Variants in ARMH3 observed in about 807,000 individuals in gnomAD.
The protein encoded by ARMH3 is armadillo-like helical domain-containing protein 3.
A neutral mutation model predicts 99.1 loss-of-function variants in ARMH3; 60 were observed. That is an observed-to-expected ratio of 0.61 (90% confidence interval 0.49 to 0.75). The LOEUF (loss-of-function observed/expected upper bound fraction) is 0.75, where lower values mean the gene tolerates loss of function less well. Among genes scored for constraint, ARMH3 ranks in the 30% least tolerant of loss-of-function variants. The pLI is 0.00. For missense variants in ARMH3, 679 were observed against 843.1 expected (o/e 0.81, Z 2.41); for synonymous variants, 285 against 292.8 (o/e 0.97, Z 0.27).
At chr10:102,054,132 T>C (rs1442444305) in intron 1 of ARMH3, among the ~76,000 whole-genome samples, 1 of 152,156 alleles carries the variant, frequency 6.6e-6, no homozygotes, top group African/African-American at 2.4e-5. Flanking sequence ...GACTCACTCC[T>C]GTAATCCCAG....
chr10:101,957,717 A>T lies in ARMH3; in HGVS notation c.1511T>A (p.Leu504Gln). 3.2e-6 allele frequency: 5 copies of T among 1,580,124 alleles called. No homozygotes were observed. Among genetic ancestry groups the T allele is most frequent in the Non-Finnish European group, 4.3e-6 (5 of 1,170,090 alleles). ...RELWSALINL[L>Q]KFLMSNETVL... ...AGTCTCATTTGACATAAGGAACTTCAGCAAATTTATCAAGGCTTTAAAAAA... is the reference window on the plus strand; with the variant it reads ...AGTCTCATTTGACATAAGGAACTTCTGCAAATTTATCAAGGCTTTAAAAAA... The change falls in exon 21 of 26, where the codon CTG (leucine) becomes CAG (glutamine). Residue 504 changes from leucine (L) to glutamine (Q), a missense_variant. By Grantham distance (113) the Leu-to-Gln change is moderately radical. Around this residue, in one of 3 missense-constraint regions of ARMH3, gnomAD observed 389 missense variants for 456.5 expected, o/e 0.85. Coordinates refer to ENST00000370033, the MANE Select transcript of ARMH3 (RefSeq NM_024541.3).
chr10:101,960,718 G>A lies in ARMH3; in HGVS notation c.1496-2986C>T, dbSNP rs193054087. Among the ~76,000 whole-genome samples, 581 of 151,746 alleles carry A rather than the reference G, an allele frequency of 3.8e-3. 7 individuals are homozygous for A. The highest frequency in any genetic ancestry group is 0.029 in the Admixed American group (438 of 15,236). On this transcript the variant is annotated intron_variant, in intron 20 of 25. Coordinates refer to ENST00000370033, the MANE Select transcript of ARMH3 (RefSeq NM_024541.3). ...AGCCCGGCCAAGATGGTGAAACCCCGTCTCTACTAAAAAATACAAAAATTA... is the reference window on the plus strand; with the variant it reads ...AGCCCGGCCAAGATGGTGAAACCCCATCTCTACTAAAAAATACAAAAATTA...
chr10:101,900,866 C>T (rs2067957517), intron 23 of ARMH3, among the ~76,000 whole-genome samples: 1 of 151,882 alleles, frequency 6.6e-6, no homozygotes, highest in Non-Finnish European at 1.5e-5. Context: ...CACCTATAGC[C>T]CTAGCCATTC....
intron 19 of ARMH3, among the ~76,000 whole-genome samples, chr10:101,988,274 C>G (rs1260548081): frequency 6.6e-6 from 1 of 152,124 alleles, no homozygotes; most frequent in Non-Finnish European, 1.5e-5. Flanking sequence ...GCCTCAGTTT[C>G]CTTTCTTTTA....
intron 8 of ARMH3, among the ~76,000 whole-genome samples, chr10:102,018,610 G>A (rs1042618175): frequency 4.6e-5 from 7 of 152,162 alleles, no homozygotes; most frequent in African/African-American, 1.7e-4. Context: ...TATTTCTGGT[G>A]ATAATGGTGT....
At chr10:101,906,535 GGAA>G (rs1161284445) in intron 23 of ARMH3, among the ~76,000 whole-genome samples, 12 of 152,168 alleles carry the variant, frequency 7.9e-5, no homozygotes, top group African/African-American at 2.7e-4. Flanking sequence ...GTAGCATTGG[GGAA>G]GAAGAATTTA....
intron 19 of ARMH3, among the ~76,000 whole-genome samples, chr10:101,986,326 C>A (rs1353943354): frequency 6.6e-6 from 1 of 152,102 alleles, no homozygotes; most frequent in Non-Finnish European, 1.5e-5. Context: ...AGACTATATC[C>A]CCTCACTCCC....
intron 12 of ARMH3, 66 bp downstream of exon 12, chr10:102,009,902 ACTGCACACT>A: frequency 7.3e-7 from 1 of 1,363,340 alleles, no homozygotes; most frequent in Non-Finnish European, 1.0e-6. Flanking sequence ...AAGAGGTAAC[ACTGCACACT>A]CTCATATCCA....
At chr10:101,932,075 C>T (rs2135673187) in intron 23 of ARMH3, among the ~76,000 whole-genome samples, 1 of 152,138 alleles carries the variant, frequency 6.6e-6, no homozygotes, top group South Asian at 2.1e-4. Context: ...CAAAAAACTC[C>T]ATTAAAAAAT....
intron 24 of ARMH3, among the ~76,000 whole-genome samples, chr10:101,887,049 G>A (rs1458620732): frequency 2.0e-5 from 3 of 152,156 alleles, no homozygotes; most frequent in East Asian, 1.9e-4. Context: ...TCACATTAAT[G>A]CTCATAAGTG....
intron 24 of ARMH3, among the ~76,000 whole-genome samples, chr10:101,852,710 C>A (rs2066632326): frequency 6.6e-6 from 1 of 151,138 alleles, no homozygotes; most frequent in Admixed American, 6.6e-5. Flanking sequence ...GCTGTGATCA[C>A]GCCACTGCAC....
intron 14 of ARMH3, among the ~76,000 whole-genome samples, chr10:102,002,570 G>A (rs76777914): frequency 0.025 from 3,808 of 152,044 alleles, 86 homozygotes; most frequent in Non-Finnish European, 0.037. Flanking sequence ...ATAGAGAGGG[G>A]AAAATGTTAA....
chr10:102,046,902 A>G (rs1266029087), intron 1 of ARMH3, among the ~76,000 whole-genome samples: 2 of 152,224 alleles, frequency 1.3e-5, no homozygotes, highest in Non-Finnish European at 2.9e-5. Flanking sequence ...ACAAACTGTG[A>G]AATGTCTAGA....
At position 101,940,280 on chromosome 10, in the gene ARMH3, TTG is replaced by T. The variant is rs145811751; in HGVS notation, c.1706-344_1706-343del. Among the ~76,000 whole-genome samples, 6 of 152,324 alleles carry T rather than the reference TTG, an allele frequency of 3.9e-5. No individual in the cohort carries two copies. In the East Asian group the frequency reaches 1.2e-3, roughly 29 times the overall value. Reference sequence around the variant, plus strand: ...CTGGGGTGGTGATGTGAGGGTAAACTTGTTGCCATATCTATCATTTCCCTAAT... The same window carrying T: ...CTGGGGTGGTGATGTGAGGGTAAACTTTGCCATATCTATCATTTCCCTAAT... On this transcript the variant is annotated intron_variant, in intron 22 of 25. Coordinates refer to ENST00000370033, the MANE Select transcript of ARMH3 (RefSeq NM_024541.3).
intron 1 of ARMH3, among the ~76,000 whole-genome samples, chr10:102,044,956 C>G (rs2067510967): frequency 6.6e-6 from 1 of 151,708 alleles, no homozygotes; most frequent in African/African-American, 2.4e-5. Flanking sequence ...GGCAACATGG[C>G]AAAACCCCGT....
rs770869392 is a variant in ARMH3 at position 101,991,977 on chromosome 10, G to A, written c.1337C>T (p.Ala446Val). Residue 446 changes from alanine (A) to valine (V), a missense_variant, in exon 18 of 26, where the codon GCA becomes GTA. Physicochemically the swap from Ala to Val is moderately conservative, Grantham distance 64. Transcript: ENST00000370033. The stretch of plus-strand genomic sequence containing the variant: ...TGATGATACTCACTCACCCAGTACT[G>A]CACATACTAAAGGACGGCAGGGAAG... Reference protein sequence around the residue: ...KNLPCRPLVCAVLDLMVEFIV... With the variant: ...KNLPCRPLVCVVLDLMVEFIV... 1.2e-6 allele frequency: 2 copies of A among 1,613,576 alleles called. No homozygotes were observed. The highest frequency in any genetic ancestry group is 1.7e-6 in the Non-Finnish European group (2 of 1,179,546).
intron 23 of ARMH3, among the ~76,000 whole-genome samples, chr10:101,928,523 G>A (rs1221410162): frequency 1.3e-5 from 2 of 152,164 alleles, no homozygotes; most frequent in African/African-American, 4.8e-5. Flanking sequence ...CAGGGCACAA[G>A]CCAGGCACAG....
intron 23 of ARMH3, among the ~76,000 whole-genome samples, chr10:101,907,089 A>G (rs1488292573): frequency 6.6e-6 from 1 of 152,176 alleles, no homozygotes; most frequent in Non-Finnish European, 1.5e-5. Flanking sequence ...TCAGAGAGCT[A>G]CCAAACTGGT....
chr10:101,900,662 G>C (rs1244449011), intron 23 of ARMH3, among the ~76,000 whole-genome samples: 1 of 152,118 alleles, frequency 6.6e-6, no homozygotes, highest in Non-Finnish European at 1.5e-5. Flanking sequence ...CAATTGACTA[G>C]TCTTCTTTTC....
Sources: allele counts gnomAD v4.1 joint callset (sites outside exome capture counted in the v4.1 genomes callset), GRCh38; gene constraint gnomAD v4.1.1; regional missense constraint gnomAD v4.1.1; transcripts MANE v1.5; gene names NCBI Gene and HGNC (gene_info 2026-07-23, HGNC 2026-07-21).